TUFT1: variants seen among roughly 807,000 people sequenced by gnomAD.
TUFT1 encodes the protein tuftelin.
Under a neutral mutation model 57.8 loss-of-function variants are expected in TUFT1, and 43 were observed. That is an observed-to-expected ratio of 0.74 (90% CI 0.58 to 0.96). The LOEUF (loss-of-function observed/expected upper bound fraction) is 0.96, where lower values mean the gene tolerates loss of function less well. Ranked by LOEUF, TUFT1 falls within the 40% of genes least tolerant of loss-of-function variation. The probability of loss-of-function intolerance (pLI) is 0.00; values close to 1 mark genes in which losing one functional copy is unlikely to be tolerated. For missense variants in TUFT1, 459 were observed against 489.0 expected (o/e 0.94, Z 0.58); for synonymous variants, 166 against 176.7 (o/e 0.94, Z 0.48).
intron 10 of TUFT1, among the ~76,000 whole-genome samples, chr1:151,579,347 A>G (rs1666575114): frequency 6.6e-6 from 1 of 152,204 alleles, no homozygotes. Context: ...TCATATAGTA[A>G]GTACTCAATA....
At chr1:151,581,492 T>C in intron 12 of TUFT1, 152 bp from the exon 13 acceptor site, 1 of 689,062 alleles carries the variant, frequency 1.5e-6, no homozygotes. Flanking sequence ...CACTGATAAT[T>C]ACTGTTTTAA....
At chr1:151,564,209 C>T (rs72692721) in intron 4 of TUFT1, among the ~76,000 whole-genome samples, 22,195 of 152,170 alleles carry the variant, frequency 0.15, 2,092 homozygotes, top group Middle Eastern at 0.22. Flanking sequence ...AGCACTGTCC[C>T]AGCCACCTAT....
chr1:151,579,898 T>C (rs1018419479), intron 11 of TUFT1, among the ~76,000 whole-genome samples, 166 bp downstream of exon 11: 1 of 152,192 alleles, frequency 6.6e-6, no homozygotes, highest in African/African-American at 2.4e-5. Context: ...AAACATTTTC[T>C]GAGAACCTTC....
At position 151,571,905 on chromosome 1, in the gene TUFT1, GCTT is replaced by G. The variant is rs149620308; in HGVS notation, c.594+2142_594+2144del. The stretch of plus-strand genomic sequence containing the variant: ...AGGACCACCTGCAGCAGTAGGAGAT[GCTT>G]CTTCTTGCTGGGCGCTGTGGCTCAC... On this transcript the variant is annotated intron_variant, in intron 7 of 12. Transcript: ENST00000368849. 1.6e-4 allele frequency among the ~76,000 whole-genome samples: 24 copies of G among 152,296 alleles called. No individual in the cohort carries two copies. The East Asian group carries it at 4.3e-3, about 27-fold the overall frequency.
chr1:151,564,663 G>A, intron 5 of TUFT1, 49 bp downstream of exon 5: 1 of 1,472,674 alleles, frequency 6.8e-7, no homozygotes, highest in South Asian at 1.1e-5. Context: ...AGGTGGGGTT[G>A]TGCCAGGCAG....
At chr1:151,550,554 A>G (rs1351802726) in intron 1 of TUFT1, among the ~76,000 whole-genome samples, 1 of 151,862 alleles carries the variant, frequency 6.6e-6, no homozygotes, top group Non-Finnish European at 1.5e-5. Flanking sequence ...CATGTTGACC[A>G]GGTTGGTCTC....
At position 151,582,059 on chromosome 1, in the gene TUFT1, A is replaced by G; in HGVS notation, c.*352A>G. On this transcript the variant is annotated 3_prime_UTR_variant, in exon 13 of 13. Coordinates refer to ENST00000368849, the MANE Select transcript of TUFT1 (RefSeq NM_020127.3). ...AGCCAGGCCTTCATCAGATTGGGAG[A>G]GGTGACAAGATTTGCCTCAGCCCTA... The G allele has an allele frequency of 1.9e-6, 1 of 521,726 alleles. No homozygotes were observed. Among genetic ancestry groups the G allele is most frequent in the South Asian group, 1.5e-5 (1 of 65,140 alleles). The allele number at this position is 521,726 out of a possible 1,614,324, so 32.3% of individuals were successfully genotyped here.
intron 1 of TUFT1, among the ~76,000 whole-genome samples, chr1:151,554,689 G>A (rs1375286153): frequency 9.9e-6 from 1 of 100,514 alleles, no homozygotes; most frequent in African/African-American, 3.3e-5. Flanking sequence ...CACTGTGCCC[G>A]GCCCCCTTTT....
chr1:151,558,568 TC>T (rs1469875695), intron 1 of TUFT1, among the ~76,000 whole-genome samples: 2 of 152,078 alleles, frequency 1.3e-5, no homozygotes, highest in Non-Finnish European at 2.9e-5. Context: ...TGACCCTCTT[TC>T]TCCTCTCTAC....
chr1:151,547,480 C>T (rs975630221), intron 1 of TUFT1, among the ~76,000 whole-genome samples: 8 of 151,980 alleles, frequency 5.3e-5, no homozygotes, highest in African/African-American at 1.9e-4. Flanking sequence ...GGTTCAGTTG[C>T]GGAAATAGGT....
At chr1:151,555,973 TG>T (rs1184045715) in intron 1 of TUFT1, among the ~76,000 whole-genome samples, 1 of 152,148 alleles carries the variant, frequency 6.6e-6, no homozygotes, top group Non-Finnish European at 1.5e-5. Context: ...CCCCTCATGT[TG>T]CCCTTTGAGA....
At chr1:151,560,955 ATT>A (rs1491101415) in intron 1 of TUFT1, among the ~76,000 whole-genome samples, 2 of 119,854 alleles carry the variant, frequency 1.7e-5, no homozygotes, top group African/African-American at 3.4e-5. Context: ...CCTGCAAAGT[ATT>A]GTGTGTGTGT....
chr1:151,582,348 C>A lies in TUFT1; in HGVS notation c.*641C>A. 2.6e-6 allele frequency: 1 copy of A among 381,550 alleles called. No homozygotes were observed. Among genetic ancestry groups the A allele is most frequent in the Non-Finnish European group, 5.2e-6 (1 of 192,666 alleles). 23.6% of individuals were successfully genotyped at this position (381,550 alleles called of 1,614,324 possible). ...TGTACATTCAGGGAGTAGCCTTTTGCGGAAAAATTCTCTAGGGCTACAGAC... is the reference window on the plus strand; with the variant it reads ...TGTACATTCAGGGAGTAGCCTTTTGAGGAAAAATTCTCTAGGGCTACAGAC... On this transcript the variant is annotated 3_prime_UTR_variant, in exon 13 of 13. Transcript: ENST00000368849.
rs1666682982 is a variant in TUFT1 at position 151,582,805 on chromosome 1, A to AT, written c.*1098_*1099insT. On this transcript the variant is annotated 3_prime_UTR_variant, in exon 13 of 13. Transcript: ENST00000368849. ...GGTCAGAGTATATGTTGTTTGGAGA[A>AT]AGAGGGCAATCAGGACTCTTCTGGG... 1 of 152,450 alleles carries AT rather than the reference A, an allele frequency of 6.6e-6. No homozygotes were observed. Among genetic ancestry groups the AT allele is most frequent in the African/African-American group, 2.4e-5 (1 of 41,438 alleles). The allele number at this position is 152,450 out of a possible 1,614,324, so 9.4% of individuals were successfully genotyped here.
chr1:151,581,386 A>G (rs1180221442), intron 12 of TUFT1, among the ~76,000 whole-genome samples: 1 of 152,188 alleles, frequency 6.6e-6, no homozygotes, highest in East Asian at 1.9e-4. Flanking sequence ...CGAGAATCAC[A>G]GCTATATCCA....
chr1:151,559,885 C>G (rs973476215), intron 1 of TUFT1, among the ~76,000 whole-genome samples: 1 of 151,910 alleles, frequency 6.6e-6, no homozygotes, highest in Non-Finnish European at 1.5e-5. Context: ...CCTCCGCCTC[C>G]CTGGTTCAAG....
chr1:151,554,442 C>G (rs1665606741), intron 1 of TUFT1, among the ~76,000 whole-genome samples: 1 of 152,102 alleles, frequency 6.6e-6, no homozygotes, highest in African/African-American at 2.4e-5. Flanking sequence ...CTCTGTTGCC[C>G]AGGTCGGAGT....
At chr1:151,560,956 T>G (rs1040512742) in intron 1 of TUFT1, among the ~76,000 whole-genome samples, 2 of 132,450 alleles carry the variant, frequency 1.5e-5, no homozygotes, top group African/African-American at 6.0e-5. Context: ...CTGCAAAGTA[T>G]TGTGTGTGTG....
chr1:151,558,807 C>T (rs905165975), intron 1 of TUFT1, among the ~76,000 whole-genome samples: 16 of 146,664 alleles, frequency 1.1e-4, no homozygotes, highest in South Asian at 2.2e-4. Flanking sequence ...CTTTTTGAGA[C>T]GGAGTCTTGC....
Sources: allele counts gnomAD v4.1 joint callset (sites outside exome capture counted in the v4.1 genomes callset), GRCh38; gene constraint gnomAD v4.1.1; transcripts MANE v1.5; gene names NCBI Gene and HGNC (gene_info 2026-07-23, HGNC 2026-07-21).